The following MED13L variants were observed in gnomAD, a reference collection of about 807,000 sequenced individuals.
MED13L encodes the protein mediator complex subunit 13L.
A neutral mutation model predicts 220.9 loss-of-function variants in MED13L; 7 were observed. The observed-to-expected ratio is 0.03, with a 90% CI of 0.02 to 0.06. The LOEUF is 0.06. MED13L is among the 10% of genes least tolerant of loss of function. MED13L has a pLI of 1.00. For missense variants in MED13L, 1,965 were observed against 2,760.5 expected (o/e 0.71, Z 6.46); for synonymous variants, 1,011 against 1,015.2 (o/e 1.00, Z 0.08).
intron 17 of MED13L, among the ~76,000 whole-genome samples, chr12:115,988,957 G>C (rs1383194053): frequency 5.9e-5 from 9 of 152,156 alleles, no homozygotes; most frequent in Non-Finnish European, 1.2e-4. Context: ...GTCTGCTTAA[G>C]TATAAGGCAC....
chr12:115,991,310 G>C lies in MED13L; in HGVS notation c.3644C>G (p.Thr1215Ser), dbSNP rs763041697. 4.3e-6 allele frequency: 7 copies of C among 1,613,914 alleles called. No homozygotes were observed. Among genetic ancestry groups the C allele is most frequent in the African/African-American group, 1.3e-5 (1 of 74,884 alleles). ...QSTFLPQVEGTKKPQEPPISL... is the reference protein window; with the variant it reads ...QSTFLPQVEGSKKPQEPPISL... ...TATGGGTGGCTCCTGGGGTTTTTTGGTTCCTTCCACCTGAGGAAGGAAGGT... is the reference window on the plus strand; with the variant it reads ...TATGGGTGGCTCCTGGGGTTTTTTGCTTCCTTCCACCTGAGGAAGGAAGGT... Residue 1215 changes from threonine (T) to serine (S), a missense_variant, in exon 17 of 31, where the codon ACC becomes AGC. Thr to Ser is a moderately conservative substitution (Grantham distance 58). Transcript: ENST00000281928. This position sits in a 1 kb window ranked among gnomAD's most constrained non-coding sequence, Gnocchi z 7.7.
chr12:116,129,592 A>ATCG (rs1875887070), intron 2 of MED13L, among the ~76,000 whole-genome samples: 1 of 151,938 alleles, frequency 6.6e-6, no homozygotes, highest in East Asian at 2.0e-4. Flanking sequence ...CTCTGTATAA[A>ATCG]TAAGACTATT....
At chr12:116,114,316 T>G (rs1874338166) in intron 2 of MED13L, among the ~76,000 whole-genome samples, 1 of 152,240 alleles carries the variant, frequency 6.6e-6, no homozygotes, top group Non-Finnish European at 1.5e-5. Flanking sequence ...ACTGAAATAC[T>G]GAGGTGTTAA....
chr12:116,003,715 T>C (rs1371641882), intron 13 of MED13L, among the ~76,000 whole-genome samples: 2 of 152,128 alleles, frequency 1.3e-5, no homozygotes, highest in Non-Finnish European at 2.9e-5. Context: ...AAATAAAATA[T>C]AAAATAAAGC....
chr12:116,254,367 T>TA (rs1207489947), intron 1 of MED13L, among the ~76,000 whole-genome samples: 3 of 152,082 alleles, frequency 2.0e-5, no homozygotes, highest in Non-Finnish European at 2.9e-5. Flanking sequence ...CTACTACAAC[T>TA]AATAAAGCTT....
At chr12:116,128,647 A>G (rs1466279146) in intron 2 of MED13L, among the ~76,000 whole-genome samples, 1 of 152,230 alleles carries the variant, frequency 6.6e-6, no homozygotes, top group Non-Finnish European at 1.5e-5. Flanking sequence ...CATTCTACTT[A>G]TCAACTCTAT....
chr12:116,161,155 CA>C (rs1456575568), intron 2 of MED13L, among the ~76,000 whole-genome samples: 1 of 152,110 alleles, frequency 6.6e-6, no homozygotes, highest in Non-Finnish European at 1.5e-5. Context: ...AATCCATTCA[CA>C]GGGGCAGACC....
chr12:115,960,656 TTAAAA>T lies in MED13L; in HGVS notation c.*605_*609del, dbSNP rs1226139437. 6.3e-6 allele frequency: 1 copy of T among 158,048 alleles called. No homozygotes were observed. The highest frequency in any genetic ancestry group is 1.4e-5 in the Non-Finnish European group (1 of 70,994). The allele number at this position is 158,048 out of a possible 1,614,324, so 9.8% of individuals were successfully genotyped here. ...CACAAAAACCATATGACAAAACAAATTAAAATAAATAAACAAAATGAAGCTGTCTC... is the reference window on the plus strand; with the variant it reads ...CACAAAAACCATATGACAAAACAAATTAAATAAACAAAATGAAGCTGTCTC... On this transcript the variant is annotated 3_prime_UTR_variant, in exon 31 of 31. Coordinates refer to ENST00000281928, the MANE Select transcript of MED13L (RefSeq NM_015335.5).
At chr12:116,202,772 G>A (rs965535986) in intron 2 of MED13L, among the ~76,000 whole-genome samples, 7 of 152,094 alleles carry the variant, frequency 4.6e-5, no homozygotes, top group African/African-American at 1.4e-4. Context: ...CACGGTCAGC[G>A]TCTCCCCACA....
chr12:116,222,159 A>C (rs910142526), intron 2 of MED13L, among the ~76,000 whole-genome samples: 1 of 152,218 alleles, frequency 6.6e-6, no homozygotes, highest in Non-Finnish European at 1.5e-5. Flanking sequence ...ATGGCTATAA[A>C]ATGCATTTAC....
At chr12:116,110,038 T>A (rs1018288120) in intron 3 of MED13L, 3 of 152,220 alleles carry the variant, frequency 2.0e-5, no homozygotes, top group Non-Finnish European at 2.9e-5. Flanking sequence ...CAGCTTTGAT[T>A]ACCTGAAAGT....
chr12:116,067,033 G>A (rs1593005076), intron 4 of MED13L, among the ~76,000 whole-genome samples: 1 of 152,066 alleles, frequency 6.6e-6, no homozygotes, highest in East Asian at 1.9e-4. Context: ...GTTTCTGCGA[G>A]TGGAAATAAT....
rs1176230856 is a variant in MED13L at position 115,982,551 on chromosome 12, T to C, written c.5008A>G (p.Ser1670Gly). The change falls in exon 22 of 31, where the codon AGC becomes GGC. Residue 1670 changes from serine (S) to glycine (G), a missense_variant. Ser to Gly is a moderately conservative substitution (Grantham distance 56). Transcript: ENST00000281928. ...ACAACAGCTGGAGGGTGGGCATGGC[T>C]GTCTGCAGAGTCAGGCTCCGTGGGA... ...GIPTEPDSAD[S>G]HAHPPAVVIY... 54 of 1,614,048 alleles carry C rather than the reference T, an allele frequency of 3.3e-5. No individual in the cohort carries two copies. Among genetic ancestry groups the C allele is most frequent in the Non-Finnish European group, 4.4e-5 (52 of 1,180,032 alleles).
chr12:116,082,875 A>C lies in MED13L; in HGVS notation c.479+13794T>G, dbSNP rs923960585. 2.0e-5 allele frequency among the ~76,000 whole-genome samples: 3 copies of C among 152,316 alleles called. No homozygotes were observed. In the East Asian group the frequency reaches 5.8e-4, roughly 29 times the overall value. ...GGAGTTCCAGCATCTGCTTTTAATG[A>C]ATGATTTATAGAACAAAGGACCTGA... On this transcript the variant is annotated intron_variant, in intron 4 of 30. Transcript: ENST00000281928.
chr12:116,132,987 C>T (rs1050943010), intron 2 of MED13L, among the ~76,000 whole-genome samples: 2 of 152,028 alleles, frequency 1.3e-5, no homozygotes, highest in East Asian at 1.9e-4. Flanking sequence ...GGGAATGAAA[C>T]GGTATCACTT....
chr12:116,174,581 G>A (rs2138195699), intron 2 of MED13L: 1 of 152,022 alleles, frequency 6.6e-6, no homozygotes, highest in South Asian at 2.1e-4. Flanking sequence ...TAACAGATAG[G>A]CCCCATAATG....
intron 2 of MED13L, among the ~76,000 whole-genome samples, chr12:116,223,646 G>A (rs1011967669): frequency 6.6e-6 from 1 of 152,120 alleles, no homozygotes; most frequent in African/African-American, 2.4e-5. Flanking sequence ...GGAGGTTGCG[G>A]TGAGCAGAGA....
intron 4 of MED13L, among the ~76,000 whole-genome samples, chr12:116,032,205 G>T (rs1162358879): frequency 6.6e-6 from 1 of 152,086 alleles, no homozygotes; most frequent in African/African-American, 2.4e-5. Flanking sequence ...TTCCCAAAAT[G>T]ATCTAAAAAT....
intron 2 of MED13L, among the ~76,000 whole-genome samples, chr12:116,114,722 A>G (rs560657381): frequency 4.4e-4 from 67 of 152,336 alleles, no homozygotes; most frequent in African/African-American, 1.5e-3. Flanking sequence ...GAATTAACAG[A>G]AAAAATCTAC....
Sources: allele counts gnomAD v4.1 joint callset (sites outside exome capture counted in the v4.1 genomes callset), GRCh38; gene constraint gnomAD v4.1.1; non-coding constraint Gnocchi (gnomAD v3.1); transcripts MANE v1.5; gene names NCBI Gene and HGNC (gene_info 2026-07-23, HGNC 2026-07-21).